Variants in CHRM3 observed in about 807,000 individuals in gnomAD.
CHRM3 encodes muscarinic acetylcholine receptor M3.
A neutral mutation model predicts 41.8 loss-of-function variants in CHRM3; 11 were observed. The ratio of observed to expected loss-of-function variants is 0.26; its 90% CI spans 0.17 to 0.44. CHRM3 has a LOEUF of 0.44. CHRM3 is among the 20% of genes least tolerant of loss of function. The pLI, the probability that CHRM3 is intolerant of heterozygous loss-of-function variation, is 1.00. For synonymous variants in CHRM3, 297 were observed against 301.4 expected (o/e 0.99, Z 0.15); for missense variants, 571 against 745.4 (o/e 0.77, Z 2.72).
intron 5 of CHRM3, among the ~76,000 whole-genome samples, chr1:239,768,582 G>A (rs1421981455): frequency 6.6e-6 from 1 of 152,148 alleles, no homozygotes; most frequent in Non-Finnish European, 1.5e-5. Context: ...TAAACATTTG[G>A]TAGTGATTTG....
intron 6 of CHRM3, among the ~76,000 whole-genome samples, chr1:239,906,269 A>G (rs891075558): frequency 6.6e-6 from 1 of 152,212 alleles, no homozygotes; most frequent in Non-Finnish European, 1.5e-5. Context: ...CTTGCAATGC[A>G]CTTGCATATG....
intron 6 of CHRM3, among the ~76,000 whole-genome samples, chr1:239,866,238 G>A (rs535237204): frequency 2.6e-5 from 4 of 152,100 alleles, no homozygotes; most frequent in South Asian, 2.1e-4. Flanking sequence ...TTAGCCGGGC[G>A]TGGTGGCGGG....
rs542892528 is a variant in CHRM3, at chr1:239,525,707, G to T, written c.-421-19934G>T. Among the ~76,000 whole-genome samples, 10 of 152,230 alleles carry T rather than the reference G, an allele frequency of 6.6e-5. No homozygotes were observed. In the East Asian group the frequency reaches 1.9e-3, roughly 29 times the overall value. On this transcript the variant is annotated intron_variant, in intron 2 of 6. Coordinates refer to ENST00000676153, the MANE Select transcript of CHRM3 (RefSeq NM_001375978.1). Reference sequence around the variant, plus strand: ...TTTTTTATTTTAATGCTTAAAAATAGATTTAATTTGCAACTCTCCAACTGC... The same window carrying T: ...TTTTTTATTTTAATGCTTAAAAATATATTTAATTTGCAACTCTCCAACTGC...
In CHRM3 at chr1:239,771,881, G is replaced by T. The variant is rs1667704919; in HGVS notation, c.-146-55371G>T. ...TCAATCTGTATGTGTGGACAGGAAA[G>T]GATATCCACAGTATATTCTTAGGTC... On this transcript the variant is annotated intron_variant, in intron 5 of 6. Coordinates refer to ENST00000676153, the MANE Select transcript of CHRM3 (RefSeq NM_001375978.1). Among the ~76,000 whole-genome samples, 5 of 152,120 alleles carry T rather than the reference G, an allele frequency of 3.3e-5. No individual in the cohort carries two copies. The South Asian group carries it at 1.0e-3, about 32-fold the overall frequency.
At chr1:239,876,534 T>C (rs1302821623) in intron 6 of CHRM3, among the ~76,000 whole-genome samples, 2 of 152,132 alleles carry the variant, frequency 1.3e-5, no homozygotes, top group Non-Finnish European at 2.9e-5. Flanking sequence ...AAACCAACTC[T>C]CTCTATGTCT....
At chr1:239,596,925 G>T (rs1010019915) in intron 3 of CHRM3, among the ~76,000 whole-genome samples, 3 of 152,130 alleles carry the variant, frequency 2.0e-5, no homozygotes, top group Admixed American at 2.0e-4. Context: ...GGGTTTTTCT[G>T]TGTGTGTCTG....
At chr1:239,492,934 G>A (rs1572488554) in intron 2 of CHRM3, 127 bp downstream of exon 2, 1 of 152,172 alleles carries the variant, frequency 6.6e-6, no homozygotes, top group Non-Finnish European at 1.5e-5. Flanking sequence ...CATCTGAGAA[G>A]ACTAACACTT....
intron 5 of CHRM3, among the ~76,000 whole-genome samples, chr1:239,813,672 C>G (rs963822577): frequency 6.6e-6 from 1 of 150,518 alleles, no homozygotes; most frequent in African/African-American, 2.5e-5. Context: ...AATCCCAGCA[C>G]TTTGGGAGGC....
At chr1:239,708,428 G>T (rs1661398252) in intron 5 of CHRM3, among the ~76,000 whole-genome samples, 1 of 152,092 alleles carries the variant, frequency 6.6e-6, no homozygotes, top group South Asian at 2.1e-4. Context: ...ACAGTAGCTG[G>T]AGTCGTATTC....
Position 239,719,797 on chromosome 1 carries a change from A to C in CHRM3, c.-147+41509A>C, listed in dbSNP as rs1166028080. On this transcript the variant is annotated intron_variant, in intron 5 of 6. Transcript: ENST00000676153. ...CGTAGCAACAAGAGATCTTTTGAAC[A>C]ACTGAACATTCAGATGAAGCAACTA... 2.6e-5 allele frequency: 4 copies of C among 151,980 alleles called. No homozygotes were observed. In the East Asian group the frequency reaches 7.8e-4, roughly 29 times the overall value. 9.4% of individuals were successfully genotyped at this position (151,980 alleles called of 1,614,324 possible).
intron 5 of CHRM3, among the ~76,000 whole-genome samples, chr1:239,690,355 G>A (rs1036699734): frequency 1.3e-5 from 2 of 151,896 alleles, no homozygotes; most frequent in African/African-American, 4.8e-5. Context: ...GAGTAGCTGG[G>A]GCTACAGGCG....
At chr1:239,894,896 C>T (rs1346287151) in intron 6 of CHRM3, among the ~76,000 whole-genome samples, 1 of 152,148 alleles carries the variant, frequency 6.6e-6, no homozygotes, top group Non-Finnish European at 1.5e-5. Context: ...TCTCACGGCT[C>T]ATAAGTGAGG....
chr1:239,582,718 C>T (rs1426801146), intron 3 of CHRM3, among the ~76,000 whole-genome samples: 5 of 152,128 alleles, frequency 3.3e-5, no homozygotes, highest in Non-Finnish European at 7.3e-5. Flanking sequence ...TCCTGGGTTA[C>T]TAAAACAGCG....
intron 5 of CHRM3, among the ~76,000 whole-genome samples, chr1:239,770,604 A>C (rs579624): frequency 0.86 from 130,264 of 152,004 alleles, 56,067 homozygotes; most frequent in African/African-American, 0.9. Flanking sequence ...GAAAGGACTG[A>C]GCGGAAGATG....
Position 239,784,166 on chromosome 1 carries a change from T to C in CHRM3, c.-146-43086T>C, listed in dbSNP as rs569745442. Among the ~76,000 whole-genome samples, 405 of 152,314 alleles carry C rather than the reference T, an allele frequency of 2.7e-3. 1 individual carries two copies. Among genetic ancestry groups the C allele is most frequent in the African/African-American group, 9.0e-3 (373 of 41,560 alleles). ...CTTCTTGGGAATTGATCCCTTTTTA[T>C]CATTGTGCAATGCTCCTCTTTTTTC... On this transcript the variant is annotated intron_variant, in intron 5 of 6. Coordinates refer to ENST00000676153, the MANE Select transcript of CHRM3 (RefSeq NM_001375978.1).
chr1:239,527,110 C>G (rs1352881712), intron 2 of CHRM3, among the ~76,000 whole-genome samples: 1 of 152,034 alleles, frequency 6.6e-6, no homozygotes, highest in African/African-American at 2.4e-5. Flanking sequence ...GTGCGACAGC[C>G]CTGTCTCAAA....
intron 3 of CHRM3, among the ~76,000 whole-genome samples, chr1:239,552,441 A>G (rs1000588650): frequency 6.8e-6 from 1 of 147,214 alleles, no homozygotes; most frequent in African/African-American, 2.5e-5. Flanking sequence ...ATATGTATAG[A>G]TGATATGTAT....
At chr1:239,839,614 A>T (rs1163826557) in intron 6 of CHRM3, among the ~76,000 whole-genome samples, 1 of 152,216 alleles carries the variant, frequency 6.6e-6, no homozygotes, top group African/African-American at 2.4e-5. Context: ...TCAGAATATG[A>T]TGCTTAGGAG....
Position 239,642,810 on chromosome 1 carries a change from G to T in CHRM3, c.-250+10524G>T, listed in dbSNP as rs182252528. Among the ~76,000 whole-genome samples, 766 of 152,274 alleles carry T rather than the reference G, an allele frequency of 5.0e-3. 7 individuals are homozygous for T. The highest frequency in any genetic ancestry group is 8.8e-3 in the Admixed American group (134 of 15,296). ...CCAGCTTTGTTCCATTGCTGGTGAG[G>T]AGCTGCGTTCCTTTGGAGGAGGAGA... On this transcript the variant is annotated intron_variant, in intron 4 of 6. Coordinates refer to ENST00000676153, the MANE Select transcript of CHRM3 (RefSeq NM_001375978.1).
Sources: gnomAD v4.1 joint callset for allele counts (sites outside exome capture counted in the v4.1 genomes callset) on GRCh38, gnomAD v4.1.1 for gene constraint, MANE v1.5 for transcripts, NCBI Gene and HGNC (gene_info 2026-07-23, HGNC 2026-07-21) for gene names.